The following TPST2 variants were observed in gnomAD, a reference collection of about 807,000 sequenced individuals.
The protein encoded by TPST2 is protein-tyrosine sulfotransferase 2.
TPST2 carries 16 observed loss-of-function variants against 27.8 expected under a neutral mutation model. That is an observed-to-expected ratio of 0.58 (90% CI 0.39 to 0.88). The LOEUF is 0.88. Ranked by LOEUF, TPST2 falls within the 40% of genes least tolerant of loss-of-function variation. TPST2 has a pLI of 0.00. For missense variants in TPST2, 464 were observed against 543.1 expected (o/e 0.85, Z 1.45); for synonymous variants, 229 against 231.7 (o/e 0.99, Z 0.10).
At chr22:26,550,653 T>C in intron 1 of TPST2, 2 of 985,788 alleles carry the variant, frequency 2.0e-6, no homozygotes, top group Non-Finnish European at 2.4e-6. Flanking sequence ...AGCCCTGCAA[T>C]TCCTCCCCAT....
At position 26,523,152 on chromosome 22, in the gene TPST2, G is replaced by A. The variant is rs1331093411; in HGVS notation, c.*3123C>T. On this transcript the variant is annotated 3_prime_UTR_variant, in exon 7 of 7. Coordinates refer to ENST00000338754, the MANE Select transcript of TPST2 (RefSeq NM_003595.5). ...TGCAGTGAGCTGTGTTTGTGCCACT[G>A]CACTGCAGCCTGAGCAACCAAGCGG... 1 of 152,288 alleles carries A rather than the reference G, an allele frequency of 6.6e-6. No individual in the cohort carries two copies. Among genetic ancestry groups the A allele is most frequent in the African/African-American group, 2.4e-5 (1 of 41,418 alleles). The allele number at this position is 152,288 out of a possible 1,614,324, so 9.4% of individuals were successfully genotyped here.
chr22:26,530,524 T>G (rs1164596869), intron 5 of TPST2, among the ~76,000 whole-genome samples: 1 of 151,408 alleles, frequency 6.6e-6, no homozygotes, highest in Non-Finnish European at 1.5e-5. Context: ...CCCTTAGAAT[T>G]CACTTCTAAA....
intron 4 of TPST2, 85 bp from the exon 5 acceptor site, chr22:26,532,830 C>T: frequency 7.8e-7 from 1 of 1,289,902 alleles, no homozygotes; most frequent in Non-Finnish European, 1.1e-6. Context: ...CAGTCATCCA[C>T]CCATCCACCT....
chr22:26,540,980 G>A lies in TPST2; in HGVS notation c.651C>T (p.Ala217=), dbSNP rs2147188297. 6.2e-7 allele frequency: 1 copy of A among 1,614,166 alleles called. No individual in the cohort carries two copies. Among genetic ancestry groups the A allele is most frequent in the East Asian group, 2.2e-5 (1 of 44,870 alleles). Residue 217 remains alanine, a synonymous_variant, in exon 3 of 7, where the codon GCC becomes GCT. Coordinates refer to ENST00000338754, the MANE Select transcript of TPST2 (RefSeq NM_003595.5). ...YRDCLTKWNK[A]IEVMYAQCME... ...TGCACTGGGCGTACATCACCTCGAT[G>A]GCCTTGTTCCACTTGGTGAGGCAGT...
At chr22:26,553,285 G>A (rs1254263199) in intron 1 of TPST2, among the ~76,000 whole-genome samples, 1 of 151,716 alleles carries the variant, frequency 6.6e-6, no homozygotes, top group Non-Finnish European at 1.5e-5. Context: ...AGAAAAAGAA[G>A]TGCACACTCA....
chr22:26,541,244 C>T lies in TPST2; in HGVS notation c.387G>A (p.Thr129=), dbSNP rs769317008. The change falls in exon 3 of 7, where the codon ACG becomes ACA. Residue 129 remains threonine, a synonymous_variant. Transcript: ENST00000338754. This position sits in a 1 kb window ranked among gnomAD's most constrained non-coding sequence, Gnocchi z 5.9. The stretch of plus-strand genomic sequence containing the variant: ...GCATGGCGGCGTCCAGCACCTCATC[C>T]GTCACCCCCGCCTCATCCAGCCGCA... The part of the protein sequence containing the change: ...EKLRLDEAGV[T]DEVLDAAMQA... The T allele has an allele frequency of 1.5e-5, 23 of 1,549,384 alleles. No homozygotes were observed. The highest frequency in any genetic ancestry group is 4.1e-5 in the African/African-American group (3 of 73,510).
At chr22:26,544,267 C>T (rs749298771) in intron 2 of TPST2, among the ~76,000 whole-genome samples, 5 of 152,268 alleles carry the variant, frequency 3.3e-5, no homozygotes, top group South Asian at 4.1e-4. Flanking sequence ...ATTAGGAGAA[C>T]GGGACACAAC....
At chr22:26,579,982 C>G (rs1008126553) in intron 1 of TPST2, among the ~76,000 whole-genome samples, 1 of 152,038 alleles carries the variant, frequency 6.6e-6, no homozygotes, top group Non-Finnish European at 1.5e-5. Flanking sequence ...CAGAGGCTTA[C>G]GTCTGTAATC....
At chr22:26,549,233 G>A (rs924783670) in intron 1 of TPST2, among the ~76,000 whole-genome samples, 1 of 152,204 alleles carries the variant, frequency 6.6e-6, no homozygotes, top group African/African-American at 2.4e-5. Context: ...CATCTGAGAA[G>A]TGAAGAAATT....
At chr22:26,526,517 A>G (rs1415357888) in intron 6 of TPST2, among the ~76,000 whole-genome samples, 2 of 152,232 alleles carry the variant, frequency 1.3e-5, no homozygotes, top group African/African-American at 4.8e-5. Context: ...AGCAAATGAC[A>G]GTGATTATGT....
chr22:26,555,822 G>A (rs1179190340), intron 1 of TPST2, among the ~76,000 whole-genome samples: 2 of 152,302 alleles, frequency 1.3e-5, no homozygotes, highest in East Asian at 1.9e-4. Context: ...GGCCTCCCAC[G>A]GCAACCCTGT....
chr22:26,579,180 C>T (rs957719324), intron 1 of TPST2, among the ~76,000 whole-genome samples: 3 of 152,158 alleles, frequency 2.0e-5, no homozygotes, highest in South Asian at 4.1e-4. Flanking sequence ...AGTTTCTAAC[C>T]TTGTTTTTCT....
intron 1 of TPST2, among the ~76,000 whole-genome samples, chr22:26,582,992 GT>G (rs2145940073): frequency 6.6e-6 from 1 of 151,966 alleles, no homozygotes; most frequent in East Asian, 1.9e-4. Context: ...ACAACCTCCA[GT>G]CCCAGCACTC....
intron 1 of TPST2, among the ~76,000 whole-genome samples, chr22:26,570,223 T>C (rs550027320): frequency 2.6e-5 from 4 of 151,694 alleles, no homozygotes; most frequent in African/African-American, 9.7e-5. Flanking sequence ...CACACAAGAC[T>C]CTTTGCATTC....
chr22:26,572,027 C>T (rs1280357762), intron 1 of TPST2, among the ~76,000 whole-genome samples: 3 of 152,166 alleles, frequency 2.0e-5, no homozygotes, highest in African/African-American at 4.8e-5. Context: ...AATTTCTTCA[C>T]GTGGCTTAGA....
chr22:26,557,085 T>C (rs551565575), intron 1 of TPST2, among the ~76,000 whole-genome samples: 1 of 152,332 alleles, frequency 6.6e-6, no homozygotes, highest in East Asian at 1.9e-4. Flanking sequence ...GCAACTGTTA[T>C]AAAAGAACCA....
chr22:26,555,669 T>A (rs1490563446), intron 1 of TPST2, among the ~76,000 whole-genome samples: 1 of 152,204 alleles, frequency 6.6e-6, no homozygotes, highest in Non-Finnish European at 1.5e-5. Context: ...GTGGGATGGA[T>A]GCCCAGACAG....
At chr22:26,538,479 G>C (rs1357375245) in intron 3 of TPST2, among the ~76,000 whole-genome samples, 1 of 152,250 alleles carries the variant, frequency 6.6e-6, no homozygotes, top group Non-Finnish European at 1.5e-5. Context: ...TAGGGAATGT[G>C]AAGTCGAATA....
intron 1 of TPST2, among the ~76,000 whole-genome samples, chr22:26,585,875 C>A (rs1928324744): frequency 6.6e-6 from 1 of 152,008 alleles, no homozygotes; most frequent in African/African-American, 2.4e-5. Flanking sequence ...ACGGGGAAAC[C>A]CTGTCTCCAC....
Sources: allele counts gnomAD v4.1 joint callset (sites outside exome capture counted in the v4.1 genomes callset), GRCh38; gene constraint gnomAD v4.1.1; non-coding constraint Gnocchi (gnomAD v3.1); transcripts MANE v1.5; gene names NCBI Gene and HGNC (gene_info 2026-07-23, HGNC 2026-07-21).